Variants in FBXL18 observed in about 807,000 individuals in gnomAD.
The protein encoded by FBXL18 is F-box/LRR-repeat protein 18.
Under a neutral mutation model 46.0 loss-of-function variants are expected in FBXL18, and 36 were observed. The observed-to-expected ratio is 0.78, with a 90% confidence interval of 0.60 to 1.03. FBXL18 has a LOEUF of 1.03. FBXL18 is among the 50% of genes least tolerant of loss of function. FBXL18 has a pLI of 0.00. For synonymous variants in FBXL18, 557 were observed against 465.3 expected (o/e 1.20, Z -2.54); for missense variants, 977 against 1,004.1 (o/e 0.97, Z 0.36).
chr7:5,458,516 G>A (rs549143885), intron 4 of FBXL18, among the ~76,000 whole-genome samples: 2 of 151,972 alleles, frequency 1.3e-5, no homozygotes, highest in East Asian at 3.9e-4. Flanking sequence ...TGATCTACAT[G>A]ATGAAACTCC....
chr7:5,503,471 A>G (rs537894779), intron 2 of FBXL18, among the ~76,000 whole-genome samples: 1 of 151,754 alleles, frequency 6.6e-6, no homozygotes, highest in Non-Finnish European at 1.5e-5. Context: ...CTCCCACCTC[A>G]GCCTCCTGAG....
chr7:5,469,133 T>C (rs555367034), intron 4 of FBXL18, among the ~76,000 whole-genome samples: 78 of 152,150 alleles, frequency 5.1e-4, no homozygotes, highest in Non-Finnish European at 7.5e-4. Flanking sequence ...GAGTTATGAG[T>C]GGACTCTGTG....
At chr7:5,506,055 G>A (rs987412901) in intron 1 of FBXL18, among the ~76,000 whole-genome samples, 1 of 151,946 alleles carries the variant, frequency 6.6e-6, no homozygotes, top group Non-Finnish European at 1.5e-5. Flanking sequence ...TTGTAGAGAC[G>A]GGGTTTCCCT....
chr7:5,509,182 G>C (rs1361863761), intron 1 of FBXL18, among the ~76,000 whole-genome samples: 1 of 136,652 alleles, frequency 7.3e-6, no homozygotes, highest in Non-Finnish European at 1.6e-5. Context: ...GACAGAGTGA[G>C]ACTCTGTCTC....
chr7:5,509,953 T>C (rs1486898972), intron 1 of FBXL18, among the ~76,000 whole-genome samples: 2 of 151,808 alleles, frequency 1.3e-5, no homozygotes, highest in African/African-American at 4.8e-5. Flanking sequence ...GACAACTTTG[T>C]TAAGTTAAGG....
intron 4 of FBXL18, among the ~76,000 whole-genome samples, chr7:5,462,824 G>A (rs896107457): frequency 1.4e-4 from 21 of 149,612 alleles, no homozygotes; most frequent in Non-Finnish European, 8.9e-5. Flanking sequence ...GGTGGCGGGC[G>A]CCTATAGTCC....
chr7:5,501,845 C>A lies in FBXL18; in HGVS notation c.424G>T (p.Ala142Ser). 1 of 1,598,476 alleles carries A rather than the reference C, an allele frequency of 6.3e-7. No homozygotes were observed. The highest frequency in any genetic ancestry group is 1.8e-5 in the Admixed American group (1 of 57,098). The change falls in exon 3 of 5, where the codon GCC becomes TCC. Residue 142 changes from alanine (A) to serine (S), a missense_variant. Ala to Ser is a moderately conservative substitution (Grantham distance 99). Coordinates refer to ENST00000382368, the MANE Select transcript of FBXL18 (RefSeq NM_024963.6). ...GCCAGCGAGCGCAGGTGCTGCAGGG[C>A]CGAGAGCATCTTGGAGAGGCGCAGG... ...TSLRLSKMLS[A>S]LQHLRSLAID... is the part of the protein sequence containing the mutation.
chr7:5,495,811 AGGAACGG>A, intron 3 of FBXL18: 1 of 476,420 alleles, frequency 2.1e-6, no homozygotes, highest in Non-Finnish European at 4.4e-6. Context: ...AGGAATCCAG[AGGAACGG>A]GGCCAGCTGG....
intron 4 of FBXL18, among the ~76,000 whole-genome samples, chr7:5,486,250 T>TTAAAA (rs1783772992): frequency 5.4e-5 from 1 of 18,610 alleles, no homozygotes. Context: ...AAACTCCATC[T>TTAAAA]CAAAAAAAAA....
At chr7:5,498,980 G>A (rs1441338290) in intron 3 of FBXL18, among the ~76,000 whole-genome samples, 5 of 152,178 alleles carry the variant, frequency 3.3e-5, no homozygotes, top group South Asian at 2.1e-4. Context: ...CAAGAACACC[G>A]TTCACTCCAC....
rs1783656550 is a variant in FBXL18 at position 5,481,895 on chromosome 7, G to T, written c.2037C>A (p.Ile679=). 1 of 1,613,068 alleles carries T rather than the reference G, an allele frequency of 6.2e-7. No homozygotes were observed. Residue 679 remains isoleucine, a synonymous_variant, in exon 5 of 5, where the codon ATC becomes ATA. Transcript: ENST00000382368. ...TCAGGCCCTCGTGGAGCAGAGGGAA[G>T]ATGACGACGTTTAACGCGGGCCGCT... ...QAERPALNVV[I]FPLLHEGLTD...
At chr7:5,495,585 AC>A (rs1400759543) in intron 3 of FBXL18, among the ~76,000 whole-genome samples, 2 of 152,206 alleles carry the variant, frequency 1.3e-5, no homozygotes, top group Non-Finnish European at 2.9e-5. Context: ...GCTGGGGGTC[AC>A]GGTGTGGGGG....
chr7:5,496,599 G>A lies in FBXL18; in HGVS notation c.1781+3889C>T, dbSNP rs374420257. 1.1e-3 allele frequency among the ~76,000 whole-genome samples: 160 copies of A among 152,290 alleles called. No individual in the cohort carries two copies. Among genetic ancestry groups the A allele is most frequent in the Middle Eastern group, 6.8e-3 (2 of 294 alleles). On this transcript the variant is annotated intron_variant, in intron 3 of 4. Coordinates refer to ENST00000382368, the MANE Select transcript of FBXL18 (RefSeq NM_024963.6). This position sits in a 1 kb window ranked among gnomAD's most constrained non-coding sequence, Gnocchi z 4.8. The stretch of plus-strand genomic sequence containing the variant: ...GGAGGCCACACTTAACAGACTCTCC[G>A]GACCGGGCACAGTGGCTCACACCTG...
downstream of FBXL18, among the ~76,000 whole-genome samples, chr7:5,474,379 G>C (rs1301774978): frequency 4.0e-5 from 6 of 151,174 alleles, no homozygotes; most frequent in South Asian, 6.3e-4. Flanking sequence ...TGCAATCACG[G>C]CTCACTGCAA....
rs1783506270 is a variant in FBXL18, at chr7:5,476,114, G to A, written c.*5661C>T. ...GTCTCACGTGGACAGACAATGCTCA[G>A]AAGGTGGCGAAGGGGCTGGAGGGAG... On this transcript the variant is annotated 3_prime_UTR_variant, in exon 5 of 5. Coordinates refer to ENST00000382368, the MANE Select transcript of FBXL18 (RefSeq NM_024963.6). 6.6e-6 allele frequency: 1 copy of A among 152,506 alleles called. No homozygotes were observed. The highest frequency in any genetic ancestry group is 2.4e-5 in the African/African-American group (1 of 41,474). 9.4% of individuals were successfully genotyped at this position (152,506 alleles called of 1,614,324 possible).
rs920470283 is a variant in FBXL18, at chr7:5,513,803, C to T, written c.-129G>A. 3 of 1,323,014 alleles carry T rather than the reference C, an allele frequency of 2.3e-6. No individual in the cohort carries two copies. Among genetic ancestry groups the T allele is most frequent in the African/African-American group, 1.5e-5 (1 of 67,934 alleles). The allele number at this position is 1,323,014 out of a possible 1,614,324, so 82.0% of individuals were successfully genotyped here. A position where few individuals can be genotyped will look rare whatever the true frequency, so the allele number is the denominator to read the frequency against. On this transcript the variant is annotated 5_prime_UTR_variant, in exon 1 of 5. Transcript: ENST00000382368. ...ACCCCGGCAAGGAGCGGGCTCTCGT[C>T]ACTTCCGGCGCCCGCCTACACGCAC...
At chr7:5,513,609 C>T in intron 1 of FBXL18, 48 bp downstream of exon 1, 1 of 1,607,724 alleles carries the variant, frequency 6.2e-7, no homozygotes, top group Non-Finnish European at 8.5e-7. Context: ...CCCAGGGAGA[C>T]CGAGGCCGCC....
chr7:5,481,790 C>A lies in FBXL18; in HGVS notation c.2142G>T (p.Pro714=). 1.2e-6 allele frequency: 2 copies of A among 1,613,466 alleles called. No homozygotes were observed. The highest frequency in any genetic ancestry group is 1.7e-5 in the Admixed American group (1 of 60,010). ...GCTCCGCCTCTCACCACCACAGGTT[C>A]GGCGGTTCCTCGGCCACTCTGCTCT... ...LFKSRVAEEP[P]NLWW The change falls in exon 5 of 5, where the codon CCG becomes CCT. Residue 714 remains proline (P), a synonymous_variant. Coordinates refer to ENST00000382368, the MANE Select transcript of FBXL18 (RefSeq NM_024963.6).
intron 4 of FBXL18, among the ~76,000 whole-genome samples, chr7:5,457,786 G>T (rs1166093725): frequency 6.6e-6 from 1 of 152,134 alleles, no homozygotes; most frequent in Non-Finnish European, 1.5e-5. Flanking sequence ...ATGGGTCCAG[G>T]CCTCCCAGTT....
Sources: allele counts gnomAD v4.1 joint callset (sites outside exome capture counted in the v4.1 genomes callset), GRCh38; gene constraint gnomAD v4.1.1; non-coding constraint Gnocchi (gnomAD v3.1); transcripts MANE v1.5; gene names NCBI Gene and HGNC (gene_info 2026-07-23, HGNC 2026-07-21).